LOC127903862: variants seen among roughly 807,000 people sequenced by gnomAD.
the LOC127903862 span, chr6:16,328,401 T>C: frequency 7.2e-7 from 1 of 1,395,510 alleles, no homozygotes. This position sits in a 1 kb window ranked among gnomAD's most constrained non-coding sequence, Gnocchi z 6.2. Flanking sequence ...TTGATTTCTG[T>C]AGGGGATCCA....
At chr6:16,328,393 G>T in the LOC127903862 span, 1 of 1,410,096 alleles carries the variant, frequency 7.1e-7, no homozygotes, top group African/African-American at 1.4e-5. The surrounding 1 kb of genome is among the most constrained non-coding windows in gnomAD (Gnocchi z 6.2). Flanking sequence ...AGTCACATTT[G>T]ATTTCTGTAG....
the LOC127903862 span, chr6:16,328,393 G>A: frequency 2.1e-6 from 3 of 1,410,096 alleles, no homozygotes; most frequent in East Asian, 7.4e-5. This position sits in a 1 kb window ranked among gnomAD's most constrained non-coding sequence, Gnocchi z 6.2. Context: ...AGTCACATTT[G>A]ATTTCTGTAG....
At chr6:16,328,346 T>C in the LOC127903862 span, 2 of 1,484,126 alleles carry the variant, frequency 1.3e-6, no homozygotes, top group Non-Finnish European at 1.8e-6. This position sits in a 1 kb window ranked among gnomAD's most constrained non-coding sequence, Gnocchi z 6.2. Flanking sequence ...ACTGTTTCAC[T>C]GTCTGGATGG....
chr6:16,328,388 C>T, the LOC127903862 span: 1 of 1,417,676 alleles, frequency 7.1e-7, no homozygotes, highest in South Asian at 1.7e-5. The surrounding 1 kb of genome is among the most constrained non-coding windows in gnomAD (Gnocchi z 6.2). Context: ...CGGAAAGTCA[C>T]ATTTGATTTC....
At chr6:16,328,400 G>A in the LOC127903862 span, 1 of 1,400,238 alleles carries the variant, frequency 7.1e-7, no homozygotes, top group Non-Finnish European at 9.3e-7. The surrounding 1 kb of genome is among the most constrained non-coding windows in gnomAD (Gnocchi z 6.2). Flanking sequence ...TTTGATTTCT[G>A]TAGGGGATCC....
At chr6:16,328,399 T>C in the LOC127903862 span, 2 of 1,401,354 alleles carry the variant, frequency 1.4e-6, no homozygotes, top group East Asian at 2.5e-5. This position sits in a 1 kb window ranked among gnomAD's most constrained non-coding sequence, Gnocchi z 6.2. Flanking sequence ...ATTTGATTTC[T>C]GTAGGGGATC....
At chr6:16,328,417 T>C in the LOC127903862 span, 2 of 1,359,204 alleles carry the variant, frequency 1.5e-6, no homozygotes, top group South Asian at 2.2e-5. The surrounding 1 kb of genome is among the most constrained non-coding windows in gnomAD (Gnocchi z 6.2). Context: ...ATCCAGGCTC[T>C]TCATGAGGAA....
At chr6:16,328,385 T>C in the LOC127903862 span, 1 of 1,422,202 alleles carries the variant, frequency 7.0e-7, no homozygotes, top group Admixed American at 2.7e-5. This position sits in a 1 kb window ranked among gnomAD's most constrained non-coding sequence, Gnocchi z 6.2. Context: ...AAACGGAAAG[T>C]CACATTTGAT....
chr6:16,328,405 G>A, the LOC127903862 span: 8 of 1,386,576 alleles, frequency 5.8e-6, no homozygotes, highest in Non-Finnish European at 7.5e-6. The surrounding 1 kb of genome is among the most constrained non-coding windows in gnomAD (Gnocchi z 6.2). Context: ...TTTCTGTAGG[G>A]GATCCAGGCT....
the LOC127903862 span, chr6:16,328,413 G>A: frequency 7.3e-7 from 1 of 1,374,820 alleles, no homozygotes; most frequent in Non-Finnish European, 9.4e-7. The surrounding 1 kb of genome is among the most constrained non-coding windows in gnomAD (Gnocchi z 6.2). Flanking sequence ...GGGGATCCAG[G>A]CTCTTCATGA....
At chr6:16,328,398 C>G in the LOC127903862 span, 2 of 1,403,042 alleles carry the variant, frequency 1.4e-6, no homozygotes, top group African/African-American at 1.4e-5. The surrounding 1 kb of genome is among the most constrained non-coding windows in gnomAD (Gnocchi z 6.2). Context: ...CATTTGATTT[C>G]TGTAGGGGAT....
the LOC127903862 span, chr6:16,328,344 A>C: frequency 6.7e-7 from 1 of 1,489,892 alleles, no homozygotes; most frequent in Non-Finnish European, 8.9e-7. This position sits in a 1 kb window ranked among gnomAD's most constrained non-coding sequence, Gnocchi z 6.2. Flanking sequence ...TGACTGTTTC[A>C]CTGTCTGGAT....
the LOC127903862 span, chr6:16,328,403 G>A: frequency 2.0e-5 from 28 of 1,395,846 alleles, no homozygotes; most frequent in African/African-American, 3.6e-4. The surrounding 1 kb of genome is among the most constrained non-coding windows in gnomAD (Gnocchi z 6.2). Flanking sequence ...GATTTCTGTA[G>A]GGGATCCAGG....
chr6:16,328,428 T>C, the LOC127903862 span: 1 of 1,343,880 alleles, frequency 7.4e-7, no homozygotes, highest in Non-Finnish European at 9.5e-7. The surrounding 1 kb of genome is among the most constrained non-coding windows in gnomAD (Gnocchi z 6.2). Context: ...TCATGAGGAA[T>C]CATCTCCCCG....
the LOC127903862 span, chr6:16,328,383 A>G: frequency 7.0e-7 from 1 of 1,428,108 alleles, no homozygotes; most frequent in Non-Finnish European, 9.1e-7. The surrounding 1 kb of genome is among the most constrained non-coding windows in gnomAD (Gnocchi z 6.2). Flanking sequence ...ATAAACGGAA[A>G]GTCACATTTG....
the LOC127903862 span, chr6:16,328,380 G>A: frequency 7.0e-7 from 1 of 1,434,254 alleles, no homozygotes; most frequent in Admixed American, 2.6e-5. This position sits in a 1 kb window ranked among gnomAD's most constrained non-coding sequence, Gnocchi z 6.2. Flanking sequence ...CTGATAAACG[G>A]AAAGTCACAT....
the LOC127903862 span, chr6:16,328,424 G>A: frequency 7.4e-7 from 1 of 1,350,488 alleles, no homozygotes; most frequent in South Asian, 2.2e-5. The surrounding 1 kb of genome is among the most constrained non-coding windows in gnomAD (Gnocchi z 6.2). Flanking sequence ...CTCTTCATGA[G>A]GAATCATCTC....
the LOC127903862 span, chr6:16,328,414 C>A: frequency 6.6e-6 from 9 of 1,371,722 alleles, 1 homozygote; most frequent in South Asian, 1.8e-4. The surrounding 1 kb of genome is among the most constrained non-coding windows in gnomAD (Gnocchi z 6.2). Flanking sequence ...GGGATCCAGG[C>A]TCTTCATGAG....
the LOC127903862 span, chr6:16,328,390 T>A: frequency 7.1e-7 from 1 of 1,416,516 alleles, no homozygotes; most frequent in Non-Finnish European, 9.2e-7. This position sits in a 1 kb window ranked among gnomAD's most constrained non-coding sequence, Gnocchi z 6.2. Context: ...GAAAGTCACA[T>A]TTGATTTCTG....
Sources: allele counts gnomAD v4.1 joint callset, GRCh38; gene constraint gnomAD v4.1.1; non-coding constraint Gnocchi (gnomAD v3.1); transcripts MANE v1.5.